The following CLASP2 variants were observed in gnomAD, a reference collection of about 807,000 sequenced individuals.
CLASP2 encodes the protein CLIP-associating protein 2.
Under a neutral mutation model 194.4 loss-of-function variants are expected in CLASP2, and 47 were observed. The observed-to-expected ratio is 0.24, with a 90% CI of 0.19 to 0.31. The LOEUF (loss-of-function observed/expected upper bound fraction) is 0.31, where lower values mean the gene tolerates loss of function less well. CLASP2 is among the 10% of genes least tolerant of loss of function. CLASP2 has a pLI of 1.00. For missense variants in CLASP2, 1,445 were observed against 1,823.6 expected, an observed-to-expected ratio of 0.79 and a Z score of 3.78; for synonymous variants, 619 against 633.5, an observed-to-expected ratio of 0.98 and a Z score of 0.34.
chr3:33,706,438 A>C (rs886528255), intron 1 of CLASP2, among the ~76,000 whole-genome samples: 2 of 152,174 alleles, frequency 1.3e-5, no homozygotes, highest in Non-Finnish European at 2.9e-5. Flanking sequence ...TAACCACACA[A>C]AAGACTATTT....
intron 7 of CLASP2, chr3:33,645,238 A>G: frequency 2.6e-6 from 2 of 765,104 alleles, no homozygotes; most frequent in Non-Finnish European, 4.8e-6. Context: ...TGTATCTTCT[A>G]GCACGCCCTG....
chr3:33,508,160 C>T (rs1455105263), intron 37 of CLASP2, among the ~76,000 whole-genome samples: 3 of 151,772 alleles, frequency 2.0e-5, no homozygotes, highest in Non-Finnish European at 4.4e-5. Context: ...GAGCCACCAA[C>T]CCAGGTAAGA....
chr3:33,526,552 G>A (rs2054613571), intron 34 of CLASP2, among the ~76,000 whole-genome samples: 1 of 152,172 alleles, frequency 6.6e-6, no homozygotes, highest in South Asian at 2.1e-4. Context: ...ACACTCCACT[G>A]ATAGTATTAG....
chr3:33,616,129 T>G (rs2076118853), intron 12 of CLASP2, among the ~76,000 whole-genome samples: 1 of 151,832 alleles, frequency 6.6e-6, no homozygotes, highest in Non-Finnish European at 1.5e-5. Context: ...GAACCCAAAA[T>G]AATGCCTCTG....
At chr3:33,509,035 C>A (rs967003930) in intron 37 of CLASP2, among the ~76,000 whole-genome samples, 9 of 152,172 alleles carry the variant, frequency 5.9e-5, no homozygotes, top group African/African-American at 1.9e-4. Flanking sequence ...AGACCACAAT[C>A]TGGGTGGTAG....
In CLASP2 at chr3:33,560,893, G is replaced by A. The variant is rs760640200; in HGVS notation, c.2845C>T (p.Leu949=). The change falls in exon 28 of 39, where the codon CTG becomes TTG. Residue 949 remains leucine, a synonymous_variant. Coordinates refer to ENST00000682230, the MANE Select transcript of CLASP2 (RefSeq NM_001365631.1). ...ATTTTTTTTAGTAGTTGTGTCAGCA[G>A]TACAAACAACCAATCTTGAAGATCA... ...KDDLQDWLFV[L]LTQLLKKMGA... is the part of the protein sequence containing the mutation. The A allele has an allele frequency of 5.0e-6, 8 of 1,613,706 alleles. 1 individual carries two copies. In the Admixed American group the frequency reaches 6.7e-5, roughly 13 times the overall value.
intron 18 of CLASP2, among the ~76,000 whole-genome samples, chr3:33,600,539 C>T (rs1021344733): frequency 2.0e-5 from 3 of 152,134 alleles, no homozygotes; most frequent in African/African-American, 7.2e-5. Flanking sequence ...ACTGAAATAA[C>T]CTTGCATTCT....
At chr3:33,710,490 T>C (rs576319914) in intron 1 of CLASP2, among the ~76,000 whole-genome samples, 25 of 152,302 alleles carry the variant, frequency 1.6e-4, no homozygotes, top group African/African-American at 5.5e-4. Context: ...AGAGGGTCAC[T>C]TGAGCCCAGG....
At chr3:33,508,569 C>T (rs925928418) in intron 37 of CLASP2, among the ~76,000 whole-genome samples, 1 of 151,866 alleles carries the variant, frequency 6.6e-6, no homozygotes, top group Non-Finnish European at 1.5e-5. Context: ...CCTCAAGTGA[C>T]CTGCCCTCCT....
rs1312901958 is a variant in CLASP2 at position 33,619,747 on chromosome 3, G to A, written c.1182-9C>T. On this transcript the variant is annotated splice_polypyrimidine_tract_variant and intron_variant, in intron 11 of 38. Transcript: ENST00000682230. ...AAACTGTTGAAAGGTGGCTACAAAGGAAGACAAAAAGTATTTTTTAATAGT... is the reference window on the plus strand; with the variant it reads ...AAACTGTTGAAAGGTGGCTACAAAGAAAGACAAAAAGTATTTTTTAATAGT... 6 of 1,566,712 alleles carry A rather than the reference G, an allele frequency of 3.8e-6. No individual in the cohort carries two copies. The highest frequency in any genetic ancestry group is 1.4e-5 in the African/African-American group (1 of 72,902).
At chr3:33,615,358 T>G (rs976230451) in intron 12 of CLASP2, among the ~76,000 whole-genome samples, 1 of 89,972 alleles carries the variant, frequency 1.1e-5, no homozygotes, top group African/African-American at 4.4e-5. Flanking sequence ...TTCTTGACAA[T>G]AAGGAACTTC....
chr3:33,558,194 C>T (rs2061278613), intron 29 of CLASP2: 1 of 152,216 alleles, frequency 6.6e-6, no homozygotes, highest in Admixed American at 6.5e-5. Context: ...CCTCAAAACC[C>T]TCTCTGGAAG....
chr3:33,593,716 T>C (rs1318826114), intron 20 of CLASP2, among the ~76,000 whole-genome samples: 1 of 152,190 alleles, frequency 6.6e-6, no homozygotes, highest in East Asian at 1.9e-4. Context: ...TAAAACAAAA[T>C]GACCAAATTA....
At chr3:33,692,697 C>A (rs1670979937) in intron 2 of CLASP2, among the ~76,000 whole-genome samples, 2 of 152,106 alleles carry the variant, frequency 1.3e-5, no homozygotes, top group Non-Finnish European at 2.9e-5. Flanking sequence ...GCACCTGTAC[C>A]AAGCCCATGA....
intron 8 of CLASP2, among the ~76,000 whole-genome samples, chr3:33,643,591 CTATT>C (rs1484106715): frequency 2.0e-5 from 3 of 151,906 alleles, no homozygotes; most frequent in Middle Eastern, 3.4e-3. Flanking sequence ...TTAATTTCAG[CTATT>C]TAGTTATATG....
chr3:33,620,528 C>CT (rs1318896341), intron 11 of CLASP2, among the ~76,000 whole-genome samples: 1 of 152,168 alleles, frequency 6.6e-6, no homozygotes, highest in East Asian at 1.9e-4. Context: ...AGATTCCGAC[C>CT]TATGCACTGT....
At position 33,602,997 on chromosome 3, in the gene CLASP2, G is replaced by C. The variant is rs371555607; in HGVS notation, c.1879C>G (p.Arg627Gly). The C allele has an allele frequency of 6.2e-7, 1 of 1,610,344 alleles. No homozygotes were observed. The highest frequency in any genetic ancestry group is 1.3e-5 in the African/African-American group (1 of 75,006). The change falls in exon 18 of 39, where the codon CGC becomes GGC. Residue 627 changes from arginine to glycine, a missense_variant. Physicochemically the swap from Arg to Gly is moderately radical, Grantham distance 125 (BLOSUM62 -2). Coordinates refer to ENST00000682230, the MANE Select transcript of CLASP2 (RefSeq NM_001365631.1). ...HAAGQSVRSG[R>G]LGAGALNAGS... ...GCATTCAGGGCACCTGCACCTAAGC[G>C]CCCGCTTCGCACAGACTGTCCAGCA...
intron 12 of CLASP2, among the ~76,000 whole-genome samples, chr3:33,619,265 A>G (rs1260103103): frequency 6.6e-6 from 1 of 152,160 alleles, no homozygotes; most frequent in East Asian, 1.9e-4. Flanking sequence ...AACTACATTA[A>G]AAATTTGCCT....
chr3:33,592,557 G>A, intron 20 of CLASP2, 61 bp from the exon 21 acceptor site: 1 of 1,327,962 alleles, frequency 7.5e-7, no homozygotes, highest in Non-Finnish European at 1.1e-6. Flanking sequence ...TTAATAATGA[G>A]AGGAGAAAAT....
Sources: gnomAD v4.1 joint callset for allele counts (sites outside exome capture counted in the v4.1 genomes callset) on GRCh38, gnomAD v4.1.1 for gene constraint, MANE v1.5 for transcripts, NCBI Gene and HGNC (gene_info 2026-07-23, HGNC 2026-07-21) for gene names.